Variants in ART3 observed in about 807,000 individuals in gnomAD.
The protein encoded by ART3 is ADP-ribosyltransferase 3 (inactive), also known as ecto-ADP-ribosyltransferase 3.
ART3 carries 49 observed loss-of-function variants against 48.5 expected under a neutral mutation model. The ratio of observed to expected loss-of-function variants is 1.01; its 90% CI spans 0.80 to 1.28. ART3 has a LOEUF of 1.28. ART3 is among the 50% of genes most tolerant of loss of function. The pLI is 0.00. For missense variants in ART3, 438 were observed against 454.3 expected (o/e 0.96, Z 0.33); for synonymous variants, 145 against 157.2 (o/e 0.92, Z 0.58).
rs773000689 is a variant in ART3 at position 76,034,847 on chromosome 4, T to C, written c.-10+23527T>C. On this transcript the variant is annotated intron_variant, in intron 1 of 9. Coordinates refer to the ART3 transcript ENST00000341029. ...ATAAGAAAACAAGAGTTTTATTTACTTGGGCTGTTCTTGTTTCCCCCAGGA... is the reference window on the plus strand; with the variant it reads ...ATAAGAAAACAAGAGTTTTATTTACCTGGGCTGTTCTTGTTTCCCCCAGGA... 1.7e-5 allele frequency: 27 copies of C among 1,553,316 alleles called. No homozygotes were observed. In the South Asian group the frequency reaches 2.5e-4, roughly 15 times the overall value.
intron 2 of ART3, among the ~76,000 whole-genome samples, chr4:76,076,968 A>T (rs1721232345): frequency 6.6e-6 from 1 of 151,924 alleles, no homozygotes; most frequent in Non-Finnish European, 1.5e-5. Context: ...ATTCTAATCC[A>T]TTTTCTATAG....
At chr4:76,076,511 T>G (rs747493553) in intron 2 of ART3, among the ~76,000 whole-genome samples, 8 of 152,230 alleles carry the variant, frequency 5.3e-5, no homozygotes, top group African/African-American at 9.6e-5. Context: ...TCAGAGGGAA[T>G]GATTCCCAAC....
At chr4:76,106,330 C>A in intron 10 of ART3, 1 of 985,400 alleles carries the variant, frequency 1.0e-6, no homozygotes, top group Non-Finnish European at 1.2e-6. Context: ...CTTGGTAGTA[C>A]AGATGGTCTC....
At chr4:76,048,617 C>A (rs181783599) in intron 1 of ART3, among the ~76,000 whole-genome samples, 5 of 152,092 alleles carry the variant, frequency 3.3e-5, no homozygotes, top group Non-Finnish European at 5.9e-5. Context: ...CCCAAGAACC[C>A]GCAACAGTCT....
chr4:76,028,633 G>A (rs1404185387), intron 1 of ART3, among the ~76,000 whole-genome samples: 3 of 152,202 alleles, frequency 2.0e-5, no homozygotes, highest in African/African-American at 4.8e-5. Context: ...AATATGCCTT[G>A]GAAAGTATGG....
chr4:76,019,371 A>C (rs1395442320), intron 1 of ART3, among the ~76,000 whole-genome samples: 1 of 150,044 alleles, frequency 6.7e-6, no homozygotes, highest in Non-Finnish European at 1.5e-5. Context: ...TTTGCAATTG[A>C]ATGAACTATG....
At position 76,107,621 on chromosome 4, in the gene ART3, C is replaced by A. The variant is rs1003871131; in HGVS notation, c.1004-140C>A. The A allele has an allele frequency of 5.8e-6, 3 of 516,640 alleles. No homozygotes were observed. In the Admixed American group the frequency reaches 1.2e-4, roughly 21 times the overall value. 32.0% of individuals were successfully genotyped at this position (516,640 alleles called of 1,614,324 possible). ...AAATTAAACCCTTCCCCTAACCCCA[C>A]ACATACCCGTAAACCTATTACCCTG... On this transcript the variant is annotated intron_variant, in intron 10 of 11. Coordinates refer to ENST00000355810, the MANE Select transcript of ART3 (RefSeq NM_001130016.3).
intron 1 of ART3, among the ~76,000 whole-genome samples, chr4:76,062,634 C>T (rs1719341760): frequency 7.2e-6 from 1 of 138,724 alleles, no homozygotes; most frequent in South Asian, 2.3e-4. Flanking sequence ...GATCTCGGCT[C>T]ACGGCAAGCT....
intron 3 of ART3, among the ~76,000 whole-genome samples, chr4:76,090,559 A>T (rs1303172273): frequency 2.0e-5 from 3 of 152,162 alleles, no homozygotes; most frequent in African/African-American, 4.8e-5. Context: ...TCTTGTCCAG[A>T]CTGCGTCTAA....
intron 1 of ART3, chr4:76,021,975 A>C (rs779972669): frequency 6.3e-7 from 1 of 1,597,388 alleles, no homozygotes; most frequent in Non-Finnish European, 8.6e-7. Flanking sequence ...GGGATATAAA[A>C]GTGTGATAGT....
chr4:76,019,045 G>GA lies in ART3; in HGVS notation c.-10+7742dup, dbSNP rs72190608. 4.2e-3 allele frequency among the ~76,000 whole-genome samples: 369 copies of GA among 87,460 alleles called. 2 individuals carry two copies. Among genetic ancestry groups the GA allele is most frequent in the African/African-American group, 8.8e-3 (225 of 25,708 alleles). The allele number at this position is 87,460 out of a possible 152,430, so 57.4% of individuals were successfully genotyped here. On this transcript the variant is annotated intron_variant, in intron 1 of 9. Transcript: ENST00000341029. ...TGACAGAGTGAGACCCCATCTCAAG[G>GA]AAAAAAAAAAAAAAAAAGAACATAT...
chr4:76,060,945 G>C (rs932558261), intron 1 of ART3, among the ~76,000 whole-genome samples: 1 of 152,156 alleles, frequency 6.6e-6, no homozygotes, highest in Non-Finnish European at 1.5e-5. Context: ...TTCTCTTTTA[G>C]ACTCTCAGAA....
At chr4:76,087,380 T>C (rs1037435449) in intron 3 of ART3, among the ~76,000 whole-genome samples, 1 of 152,056 alleles carries the variant, frequency 6.6e-6, no homozygotes, top group African/African-American at 2.4e-5. Context: ...CATCTAGAGA[T>C]GGAAAGTCAG....
intron 1 of ART3, among the ~76,000 whole-genome samples, chr4:76,045,612 T>G (rs1735429451): frequency 6.6e-6 from 1 of 152,074 alleles, no homozygotes; most frequent in Non-Finnish European, 1.5e-5. Context: ...AGAGCTATCT[T>G]GGCTCTCTCT....
intron 11 of ART3, among the ~76,000 whole-genome samples, chr4:76,108,000 C>T (rs1024241923): frequency 1.3e-4 from 20 of 151,646 alleles, no homozygotes; most frequent in Non-Finnish European, 2.8e-4. Flanking sequence ...AATCGTTTTC[C>T]ATTGTATCTA....
intron 1 of ART3, among the ~76,000 whole-genome samples, chr4:76,040,438 A>ACACACACACACACG (rs756601836): frequency 0.22 from 13,907 of 64,282 alleles, 1,033 homozygotes; most frequent in East Asian, 0.41. Context: ...TACACTGGAT[A>ACACACACACACACG]CACACACACA....
At position 76,059,362 on chromosome 4, in the gene ART3, G is replaced by GT. The variant is rs71657397; in HGVS notation, c.-9-16510dup. The stretch of plus-strand genomic sequence containing the variant: ...TGCTGTCTTCTCGTTATTTTCTCTT[G>GT]TTTTTTTTTCTTTTTTTTTTCCTGA... On this transcript the variant is annotated intron_variant, in intron 1 of 9. Transcript: ENST00000341029. Among the ~76,000 whole-genome samples, 136 of 141,106 alleles carry GT rather than the reference G, an allele frequency of 9.6e-4. 1 individual carries two copies. Among genetic ancestry groups the GT allele is most frequent in the African/African-American group, 1.6e-3 (61 of 38,408 alleles). 92.6% of individuals were successfully genotyped at this position (141,106 alleles called of 152,430 possible).
At chr4:76,090,821 AATC>A (rs1277126196) in intron 3 of ART3, among the ~76,000 whole-genome samples, 1 of 152,236 alleles carries the variant, frequency 6.6e-6, no homozygotes, top group African/African-American at 2.4e-5. Context: ...ATGCCAATGA[AATC>A]ATCACTACAA....
At chr4:76,025,363 G>A (rs745600535) in intron 1 of ART3, among the ~76,000 whole-genome samples, 2 of 152,114 alleles carry the variant, frequency 1.3e-5, no homozygotes, top group Non-Finnish European at 2.9e-5. Context: ...ATTTTAGTTG[G>A]TATCTAAGTT....
Sources: allele counts gnomAD v4.1 joint callset (sites outside exome capture counted in the v4.1 genomes callset), GRCh38; gene constraint gnomAD v4.1.1; transcripts MANE v1.5; gene names NCBI Gene and HGNC (gene_info 2026-07-23, HGNC 2026-07-21).